The following TNS3 variants were observed in gnomAD, a reference collection of about 807,000 sequenced individuals.
TNS3 encodes tensin 3, also known as tensin-3.
A neutral mutation model predicts 140.9 loss-of-function variants in TNS3; 45 were observed. That is an observed-to-expected ratio of 0.32 (90% CI 0.25 to 0.41). TNS3 has a LOEUF of 0.41. Ranked by LOEUF, TNS3 falls within the 10% of genes least tolerant of loss-of-function variation. TNS3 has a pLI of 1.00. For missense variants in TNS3, 1,716 were observed against 1,906.7 expected (o/e 0.90, Z 1.86); for synonymous variants, 815 against 788.4 (o/e 1.03, Z -0.56).
At chr7:47,567,092 T>C (rs958470422) in intron 1 of TNS3, among the ~76,000 whole-genome samples, 2 of 147,772 alleles carry the variant, frequency 1.4e-5, no homozygotes, top group Non-Finnish European at 3.0e-5. Context: ...CAAGTAGAGG[T>C]ACCTCACACA....
At chr7:47,487,074 G>A (rs531751556) in intron 3 of TNS3, among the ~76,000 whole-genome samples, 73 of 152,208 alleles carry the variant, frequency 4.8e-4, no homozygotes, top group African/African-American at 1.7e-3. Flanking sequence ...CCAGATGGGC[G>A]GATCACCTGA....
intron 20 of TNS3, among the ~76,000 whole-genome samples, chr7:47,341,928 C>T (rs1307653804): frequency 6.6e-6 from 1 of 151,990 alleles, no homozygotes; most frequent in Non-Finnish European, 1.5e-5. Context: ...TCATTCAGTT[C>T]AGTATGTTTT....
At chr7:47,443,314 C>T (rs963138698) in intron 4 of TNS3, among the ~76,000 whole-genome samples, 21 of 152,168 alleles carry the variant, frequency 1.4e-4, no homozygotes, top group African/African-American at 4.8e-4. Flanking sequence ...GGCCACTGCC[C>T]GTGCTGGGCA....
At chr7:47,513,068 A>G (rs1461775714) in intron 2 of TNS3, among the ~76,000 whole-genome samples, 1 of 152,246 alleles carries the variant, frequency 6.6e-6, no homozygotes, top group Non-Finnish European at 1.5e-5. Context: ...GAAATTGGCA[A>G]AAGTTCTGCC....
chr7:47,396,255 C>T (rs1792821222), intron 16 of TNS3, among the ~76,000 whole-genome samples: 1 of 152,148 alleles, frequency 6.6e-6, no homozygotes, highest in Non-Finnish European at 1.5e-5. Flanking sequence ...CCTTCACGCT[C>T]CTAGCTATGA....
At chr7:47,474,863 ACAC>A (rs1797122806) in intron 4 of TNS3, among the ~76,000 whole-genome samples, 1 of 149,052 alleles carries the variant, frequency 6.7e-6, no homozygotes, top group Non-Finnish European at 1.5e-5. Context: ...AACACCTCAC[ACAC>A]AACACTTCAC....
At chr7:47,472,736 G>A (rs899484075) in intron 4 of TNS3, among the ~76,000 whole-genome samples, 4 of 152,204 alleles carry the variant, frequency 2.6e-5, no homozygotes, top group Admixed American at 6.5e-5. Flanking sequence ...CTCCCACAGA[G>A]TAAATCCCGG....
intron 20 of TNS3, among the ~76,000 whole-genome samples, chr7:47,316,094 T>TTCTCTCTCTCTCTCTC (rs56939479): frequency 7.6e-5 from 8 of 105,780 alleles, no homozygotes; most frequent in Admixed American, 1.9e-4. Context: ...AACTAACTAT[T>TTCTCTCTCTCTCTCTC]TCTCTCTCTC....
intron 8 of TNS3, among the ~76,000 whole-genome samples, chr7:47,428,996 T>C (rs1373599439): frequency 3.3e-5 from 5 of 152,148 alleles, no homozygotes; most frequent in African/African-American, 1.2e-4. Context: ...GCAGAAACTA[T>C]TGGACAGGCC....
intron 9 of TNS3, among the ~76,000 whole-genome samples, chr7:47,425,587 C>A (rs911423123): frequency 9.2e-5 from 14 of 152,216 alleles, no homozygotes; most frequent in East Asian, 1.9e-4. Flanking sequence ...ACAGAAGGGC[C>A]CACTTTAGCA....
chr7:47,405,752 A>G (rs1793410404), intron 13 of TNS3, among the ~76,000 whole-genome samples: 1 of 152,164 alleles, frequency 6.6e-6, no homozygotes, highest in South Asian at 2.1e-4. Flanking sequence ...TCTCAGGAGA[A>G]CACTTTCATT....
chr7:47,430,465 T>G (rs544284647), intron 8 of TNS3, among the ~76,000 whole-genome samples: 155 of 152,106 alleles, frequency 1.0e-3, no homozygotes, highest in Non-Finnish European at 1.6e-3. Context: ...AAGGGACAGA[T>G]AGAAATACCA....
In TNS3 at chr7:47,414,837, T is replaced by C. The variant is rs368344120; in HGVS notation, c.586+257A>G. ...AACAATGCTTGTCTGCCCTAGTCAC[T>C]GTGCATATACACAGGGGTATTTCTG... is the stretch of plus-strand genomic sequence containing the variant. On this transcript the variant is annotated intron_variant, in intron 11 of 30. Coordinates refer to ENST00000311160, the MANE Select transcript of TNS3 (RefSeq NM_022748.12). Among the ~76,000 whole-genome samples the C allele has an allele frequency of 2.6e-5, 4 of 152,298 alleles. No individual in the cohort carries two copies. In the South Asian group the frequency reaches 8.3e-4, roughly 32 times the overall value.
chr7:47,348,167 C>T (rs144889657), intron 17 of TNS3, among the ~76,000 whole-genome samples: 45 of 152,340 alleles, frequency 3.0e-4, no homozygotes, highest in African/African-American at 1.0e-3. Flanking sequence ...GCCCCACGCA[C>T]CACCTGGTAC....
At chr7:47,517,401 A>C (rs1798814851) in intron 2 of TNS3, among the ~76,000 whole-genome samples, 1 of 152,214 alleles carries the variant, frequency 6.6e-6, no homozygotes, top group South Asian at 2.1e-4. Flanking sequence ...CCACAGGGCA[A>C]GCCTCAGATA....
chr7:47,460,422 A>G (rs1204701725), intron 4 of TNS3, among the ~76,000 whole-genome samples: 2 of 152,258 alleles, frequency 1.3e-5, no homozygotes, highest in Admixed American at 1.3e-4. Context: ...GCTGCCCCGC[A>G]CGGTGGTGCT....
intron 1 of TNS3, among the ~76,000 whole-genome samples, chr7:47,561,078 A>T (rs532737410): frequency 3.9e-5 from 6 of 152,334 alleles, no homozygotes; most frequent in African/African-American, 1.4e-4. Context: ...TAGGGATAGG[A>T]CGTGGTGCGA....
intron 1 of TNS3, among the ~76,000 whole-genome samples, chr7:47,558,257 G>A (rs544257794): frequency 3.9e-5 from 6 of 152,298 alleles, no homozygotes; most frequent in South Asian, 2.1e-4. Flanking sequence ...AGCCGGTGCC[G>A]AGGAGGATCA....
At chr7:47,281,991 TCC>T (rs1483777356) in intron 28 of TNS3, among the ~76,000 whole-genome samples, 4 of 143,968 alleles carry the variant, frequency 2.8e-5, no homozygotes, top group African/African-American at 7.9e-5. Context: ...TAAGCCTGAG[TCC>T]ACCAAGCAGC....
Sources: allele counts gnomAD v4.1 joint callset (sites outside exome capture counted in the v4.1 genomes callset), GRCh38; gene constraint gnomAD v4.1.1; transcripts MANE v1.5; gene names NCBI Gene and HGNC (gene_info 2026-07-23, HGNC 2026-07-21).